ITPR3: variants seen among roughly 807,000 people sequenced by gnomAD.
ITPR3 encodes the protein inositol 1,4,5-trisphosphate-gated calcium channel ITPR3.
Under a neutral mutation model 293.2 loss-of-function variants are expected in ITPR3, and 173 were observed. That is an observed-to-expected ratio of 0.59 (90% CI 0.52 to 0.67). The LOEUF is 0.67. ITPR3 is among the 30% of genes least tolerant of loss of function. The pLI is 0.00. For synonymous variants in ITPR3, 1,295 were observed against 1,444.4 expected, an observed-to-expected ratio of 0.90 and a Z score of 2.35; for missense variants, 2,796 against 3,592.1, an observed-to-expected ratio of 0.78 and a Z score of 5.66.
chr6:33,681,890 T>G (rs1765087869), intron 33 of ITPR3, among the ~76,000 whole-genome samples: 1 of 152,074 alleles, frequency 6.6e-6, no homozygotes, highest in African/African-American at 2.4e-5. Context: ...TGTTATGTTT[T>G]TTTTTTTTGA....
At chr6:33,668,876 G>GT in intron 17 of ITPR3, 98 bp from the exon 18 acceptor site, 1 of 1,330,240 alleles carries the variant, frequency 7.5e-7, no homozygotes, top group Non-Finnish European at 1.0e-6. Context: ...CTGGGTCCCC[G>GT]TGGTGGCTGG....
chr6:33,631,048 C>A (rs1000760758), intron 1 of ITPR3, among the ~76,000 whole-genome samples: 6 of 152,126 alleles, frequency 3.9e-5, no homozygotes, highest in African/African-American at 1.4e-4. Context: ...GAGAAAGGGC[C>A]CCCCAGGCTT....
Position 33,676,917 on chromosome 6 carries a change from C to G in ITPR3, c.3432C>G (p.Ala1144=), listed in dbSNP as rs1764922186. The G allele has an allele frequency of 6.2e-7, 1 of 1,613,936 alleles. No homozygotes were observed. Among genetic ancestry groups the G allele is most frequent in the Non-Finnish European group, 8.5e-7 (1 of 1,179,968 alleles). The change falls in exon 26 of 58, where the codon GCC becomes GCG. Residue 1144 remains alanine (A), a synonymous_variant. Coordinates refer to ENST00000605930, the MANE Select transcript of ITPR3 (RefSeq NM_002224.4). ...GKGEEVEAGA[A]KDKKERPTDE... ...GTGAGGAGGTGGAGGCAGGCGCCGCCAAGGACAAGAAAGAGGTAAGTGGGG... is the reference window on the plus strand; with the variant it reads ...GTGAGGAGGTGGAGGCAGGCGCCGCGAAGGACAAGAAAGAGGTAAGTGGGG...
At position 33,687,430 on chromosome 6, in the gene ITPR3, T is replaced by A; in HGVS notation, c.6178-48T>A. The stretch of plus-strand genomic sequence containing the variant: ...CGCCATTGTCGCCCCCCAGCCACCA[T>A]GTCCCCCAGCCACCACACCCTGGTG... On this transcript the variant is annotated intron_variant, in intron 45 of 57. Coordinates refer to ENST00000605930, the MANE Select transcript of ITPR3 (RefSeq NM_002224.4). This position sits in a 1 kb window ranked among gnomAD's most constrained non-coding sequence, Gnocchi z 5.3. 6.5e-7 allele frequency: 1 copy of A among 1,548,152 alleles called. No homozygotes were observed. The highest frequency in any genetic ancestry group is 1.4e-5 in the African/African-American group (1 of 73,616).
chr6:33,678,178 G>C (rs1764960181), intron 28 of ITPR3, among the ~76,000 whole-genome samples: 2 of 152,074 alleles, frequency 1.3e-5, no homozygotes, highest in Admixed American at 1.3e-4. Context: ...GTATGTCCCA[G>C]GCCTCACCTT....
chr6:33,665,208 C>A lies in ITPR3; in HGVS notation c.1404C>A (p.Asp468Glu), dbSNP rs553431286. Reference protein sequence around the residue: ...KLNEGFISQNDRRFVIQLLED... With the variant: ...KLNEGFISQNERRFVIQLLED... ...ACGAGGGCTTCATCAGCCAGAATGA[C>A]CGCAGGTGGGCTGCAGTGGCACAGG... is the stretch of plus-strand genomic sequence containing the variant. Residue 468 changes from aspartate (D) to glutamate (E), a missense_variant, in exon 13 of 58, where the codon GAC becomes GAA. This residue lies in a region of ITPR3 where 955 missense variants were observed against 1,180.8 expected (regional missense o/e 0.81). Coordinates refer to ENST00000605930, the MANE Select transcript of ITPR3 (RefSeq NM_002224.4). 5.6e-6 allele frequency: 9 copies of A among 1,613,186 alleles called. No individual in the cohort carries two copies. Among genetic ancestry groups the A allele is most frequent in the Non-Finnish European group, 7.6e-6 (9 of 1,179,388 alleles).
At chr6:33,641,168 T>C (rs555629649) in intron 2 of ITPR3, among the ~76,000 whole-genome samples, 39 of 152,342 alleles carry the variant, frequency 2.6e-4, no homozygotes, top group South Asian at 6.2e-4. Flanking sequence ...CCCAGCAGGC[T>C]GAGGGCCTTT....
intron 51 of ITPR3, among the ~76,000 whole-genome samples, chr6:33,690,614 T>TA (rs912425109): frequency 3.9e-5 from 6 of 152,210 alleles, no homozygotes; most frequent in Non-Finnish European, 1.5e-5. Context: ...GGAAAGCACT[T>TA]ACACTGTTTC....
intron 21 of ITPR3, 114 bp downstream of exon 21, chr6:33,671,420 G>T: frequency 1.4e-6 from 1 of 740,408 alleles, no homozygotes; most frequent in South Asian, 1.8e-5. Flanking sequence ...ACCCAACCTG[G>T]CTCTGCCTCA....
intron 49 of ITPR3, 92 bp from the exon 50 acceptor site, chr6:33,689,146 C>T (rs1432719464): frequency 7.7e-6 from 11 of 1,429,928 alleles, no homozygotes; most frequent in Non-Finnish European, 1.1e-5. Context: ...GGAAGGCGGC[C>T]AGGAGAAGGT....
chr6:33,686,620 G>A, intron 43 of ITPR3, 101 bp downstream of exon 43: 1 of 906,886 alleles, frequency 1.1e-6, no homozygotes, highest in Non-Finnish European at 1.8e-6. Flanking sequence ...TGTGTAATGT[G>A]GGTGTTAGCA....
Position 33,674,084 on chromosome 6 carries a change from G to C in ITPR3, c.3059-124G>C. On this transcript the variant is annotated intron_variant, in intron 23 of 57. Transcript: ENST00000605930. ...CCCCTACTTGGTTCCTTCCCAGAAA[G>C]GGGCAGGCAGAGCAGCTGCTGTGCA... is the stretch of plus-strand genomic sequence containing the variant. 4 of 1,213,630 alleles carry C rather than the reference G, an allele frequency of 3.3e-6. No individual in the cohort carries two copies. The South Asian group carries it at 5.2e-5, about 16-fold the overall frequency. The allele number at this position is 1,213,630 out of a possible 1,614,324, so 75.2% of individuals were successfully genotyped here.
At chr6:33,673,567 C>T (rs1246112047) in intron 22 of ITPR3, 24 bp from the exon 23 acceptor site, 22 of 1,613,316 alleles carry the variant, frequency 1.4e-5, no homozygotes, top group Non-Finnish European at 1.7e-5. Context: ...CCCATCCTCA[C>T]CTGACCTTTC....
chr6:33,680,273 G>A, intron 31 of ITPR3, 56 bp from the exon 32 acceptor site: 1 of 1,583,668 alleles, frequency 6.3e-7, no homozygotes, highest in South Asian at 1.2e-5. Flanking sequence ...ATTGTGGCAG[G>A]GAGAGCCTGG....
At chr6:33,671,858 A>G (rs772273091) in intron 21 of ITPR3, among the ~76,000 whole-genome samples, 171 bp from the exon 22 acceptor site, 2 of 152,010 alleles carry the variant, frequency 1.3e-5, no homozygotes, top group Non-Finnish European at 2.9e-5. Context: ...CTTAAAGCTC[A>G]TGTCCTCCAG....
intron 1 of ITPR3, among the ~76,000 whole-genome samples, chr6:33,634,913 C>T (rs1763782547): frequency 6.6e-6 from 1 of 152,086 alleles, no homozygotes; most frequent in South Asian, 2.1e-4. Flanking sequence ...GAGGGGGACT[C>T]TGCGGCCTCT....
At chr6:33,661,984 C>A (rs556906716) in intron 7 of ITPR3, among the ~76,000 whole-genome samples, 1 of 75,510 alleles carries the variant, frequency 1.3e-5, no homozygotes, top group African/African-American at 4.8e-5. Flanking sequence ...AACAGAGTGA[C>A]TGTCTCTGAA....
chr6:33,644,127 T>G (rs1764012463), intron 2 of ITPR3, among the ~76,000 whole-genome samples: 1 of 152,132 alleles, frequency 6.6e-6, no homozygotes, highest in South Asian at 2.1e-4. Flanking sequence ...GAAGCAGAGT[T>G]TGCAGTGAGC....
Position 33,678,477 on chromosome 6 carries a change from C to T in ITPR3, c.3705C>T (p.Phe1235=). Residue 1235 remains phenylalanine, a synonymous_variant, in exon 29 of 58, where the codon TTC becomes TTT. Coordinates refer to ENST00000605930, the MANE Select transcript of ITPR3 (RefSeq NM_002224.4). ...ACACGCACCAGTTCCTGCAGAAGTTCTGTGCAGGGAACCCCGGCAACCAGG... is the reference window on the plus strand; with the variant it reads ...ACACGCACCAGTTCCTGCAGAAGTTTTGTGCAGGGAACCCCGGCAACCAGG... ...LRYTHQFLQK[F]CAGNPGNQAL... 1 of 1,613,568 alleles carries T rather than the reference C, an allele frequency of 6.2e-7. No individual in the cohort carries two copies. The highest frequency in any genetic ancestry group is 8.5e-7 in the Non-Finnish European group (1 of 1,179,970).
Sources: gnomAD v4.1 joint callset for allele counts (sites outside exome capture counted in the v4.1 genomes callset) on GRCh38, gnomAD v4.1.1 for gene constraint, gnomAD v4.1.1 regional missense constraint, Gnocchi (gnomAD v3.1) non-coding constraint, MANE v1.5 for transcripts, NCBI Gene and HGNC (gene_info 2026-07-23, HGNC 2026-07-21) for gene names.